EIF2A: variants seen among roughly 807,000 people sequenced by gnomAD.
EIF2A encodes 65 kDa eukaryotic translation initiation factor 2A.
A neutral mutation model predicts 75.2 loss-of-function variants in EIF2A; 62 were observed. The observed-to-expected ratio is 0.82, with a 90% CI of 0.67 to 1.02. The LOEUF (loss-of-function observed/expected upper bound fraction) is 1.02, where lower values mean the gene tolerates loss of function less well. EIF2A is among the 50% of genes least tolerant of loss of function. The pLI is 0.00. For missense variants in EIF2A, 611 were observed against 677.7 expected (o/e 0.90, Z 1.09); for synonymous variants, 207 against 239.0 (o/e 0.87, Z 1.23).
At chr3:150,583,168 C>T in intron 12 of EIF2A, 32 bp from the exon 13 acceptor site, 1 of 1,586,084 alleles carries the variant, frequency 6.3e-7, no homozygotes, top group Non-Finnish European at 8.6e-7. Context: ...GACTTTTCTT[C>T]CATGCTCTTG....
chr3:150,571,451 T>C (rs1252440562), intron 9 of EIF2A, among the ~76,000 whole-genome samples: 1 of 152,124 alleles, frequency 6.6e-6, no homozygotes, highest in Non-Finnish European at 1.5e-5. Flanking sequence ...TATGTGGCAT[T>C]TTTAAAAATA....
chr3:150,567,632 A>C, intron 6 of EIF2A, 61 bp from the exon 7 acceptor site: 1 of 1,126,820 alleles, frequency 8.9e-7, no homozygotes, highest in Non-Finnish European at 1.3e-6. Flanking sequence ...ATGTATTCAG[A>C]GTTTAACATG....
Position 150,581,667 on chromosome 3 carries a change from A to G in EIF2A, c.1547A>G (p.Gln516Arg). ...SPDLAPTPAP[Q>R]STPRNTVSQS... ...GATTTGGCACCTACTCCTGCCCCAC[A>G]GAGCACACCACGAAACACTGTCTCT... The change falls in exon 12 of 14, where the codon CAG (glutamine) becomes CGG (arginine). Residue 516 changes from glutamine (Q) to arginine (R), a missense_variant. By Grantham distance (43) the Gln-to-Arg change is conservative. Coordinates refer to ENST00000460851, the MANE Select transcript of EIF2A (RefSeq NM_032025.5). 6.4e-7 allele frequency: 1 copy of G among 1,552,480 alleles called. No individual in the cohort carries two copies. The highest frequency in any genetic ancestry group is 1.2e-5 in the South Asian group (1 of 84,090).
intron 2 of EIF2A, among the ~76,000 whole-genome samples, chr3:150,557,310 A>C (rs1483904843): frequency 6.6e-6 from 1 of 152,246 alleles, no homozygotes; most frequent in East Asian, 1.9e-4. Context: ...TAATTGTAAA[A>C]TTCTGCCGTA....
intron 1 of EIF2A, among the ~76,000 whole-genome samples, chr3:150,551,854 AAT>A (rs1178392192): frequency 6.6e-5 from 10 of 152,350 alleles, no homozygotes; most frequent in East Asian, 1.9e-4. Flanking sequence ...TTAATAAATG[AAT>A]ATGTCTCATT....
In EIF2A at chr3:150,572,531, TAAGTA is replaced by T; in HGVS notation, c.1383+7_1383+11del. 1.3e-6 allele frequency: 2 copies of T among 1,596,442 alleles called. No individual in the cohort carries two copies. Among genetic ancestry groups the T allele is most frequent in the Non-Finnish European group, 1.7e-6 (2 of 1,172,612 alleles). ...AAACCAATCACCAATTCCAAATTGG[TAAGTA>T]AAGTTTTACTACTTTTATAGAAAAA... On this transcript the variant is annotated splice_donor_5th_base_variant and intron_variant, in intron 10 of 13. Transcript: ENST00000460851.
In EIF2A at chr3:150,584,114, C is replaced by G. The variant is rs994536323; in HGVS notation, c.*203C>G. 11 of 473,562 alleles carry G rather than the reference C, an allele frequency of 2.3e-5. No homozygotes were observed. In the East Asian group the frequency reaches 3.8e-4, roughly 16 times the overall value. The allele number at this position is 473,562 out of a possible 1,614,324, so 29.3% of individuals were successfully genotyped here. ...TTATATCTTGCATCCTATATCATGT[C>G]AATATGTGATATAGAAAAGAGATAC... On this transcript the variant is annotated 3_prime_UTR_variant, in exon 14 of 14. Transcript: ENST00000460851.
chr3:150,551,012 T>C (rs1723286914), intron 1 of EIF2A, among the ~76,000 whole-genome samples: 1 of 152,200 alleles, frequency 6.6e-6, no homozygotes, highest in African/African-American at 2.4e-5. Context: ...AGGCCTTCTT[T>C]CCATCCCCTT....
At chr3:150,577,507 A>AT (rs1238968158) in intron 11 of EIF2A, among the ~76,000 whole-genome samples, 1 of 151,674 alleles carries the variant, frequency 6.6e-6, no homozygotes, top group African/African-American at 2.4e-5. Context: ...TTCCCAACTA[A>AT]TTTTTTTATT....
At chr3:150,581,057 G>A (rs530880121) in intron 11 of EIF2A, among the ~76,000 whole-genome samples, 50 of 152,254 alleles carry the variant, frequency 3.3e-4, no homozygotes, top group African/African-American at 1.2e-3. Flanking sequence ...GCACCTTAGC[G>A]GAAATAAAAG....
At chr3:150,562,712 TG>T (rs201971408) in intron 4 of EIF2A, 52 bp downstream of exon 4, 17 of 1,379,606 alleles carry the variant, frequency 1.2e-5, no homozygotes, top group East Asian at 4.9e-5. Context: ...TTACGTTTAG[TG>T]GGGGGGAAAA....
At chr3:150,553,776 T>A (rs1475149070) in intron 2 of EIF2A, among the ~76,000 whole-genome samples, 1 of 152,194 alleles carries the variant, frequency 6.6e-6, no homozygotes, top group African/African-American at 2.4e-5. Context: ...TAGAGTAAAT[T>A]AATTGTATTA....
intron 12 of EIF2A, among the ~76,000 whole-genome samples, chr3:150,582,867 T>C (rs769863396): frequency 3.9e-5 from 6 of 152,156 alleles, no homozygotes; most frequent in Non-Finnish European, 8.8e-5. Flanking sequence ...TTCAGAATGC[T>C]CTCATTGAGA....
intron 11 of EIF2A, among the ~76,000 whole-genome samples, chr3:150,577,032 A>G (rs748347720): frequency 6.6e-5 from 10 of 152,172 alleles, no homozygotes; most frequent in Non-Finnish European, 1.2e-4. Context: ...GGTAATTCAT[A>G]AACAAATTTA....
At chr3:150,553,318 G>A (rs777064904) in intron 2 of EIF2A, among the ~76,000 whole-genome samples, 2 of 122,990 alleles carry the variant, frequency 1.6e-5, no homozygotes, top group Admixed American at 8.5e-5. Context: ...ATGAGACTCC[G>A]TCTCAAAAAA....
intron 2 of EIF2A, chr3:150,557,683 G>A (rs1238218324): frequency 5.1e-6 from 2 of 389,068 alleles, no homozygotes; most frequent in South Asian, 3.6e-5. Flanking sequence ...ACAGGTGTGA[G>A]CCATTGCACC....
At chr3:150,576,653 G>T (rs1477057195) in intron 11 of EIF2A, among the ~76,000 whole-genome samples, 1 of 152,136 alleles carries the variant, frequency 6.6e-6, no homozygotes, top group Non-Finnish European at 1.5e-5. Context: ...CCTTTTGGTG[G>T]CACTTGTGTG....
intron 1 of EIF2A, among the ~76,000 whole-genome samples, chr3:150,548,823 G>C (rs949300084): frequency 6.6e-6 from 1 of 152,126 alleles, no homozygotes; most frequent in African/African-American, 2.4e-5. Flanking sequence ...CATATTCTTA[G>C]AGGCCCAGAG....
intron 3 of EIF2A, among the ~76,000 whole-genome samples, chr3:150,562,045 G>A (rs1005797447): frequency 2.5e-4 from 38 of 151,922 alleles, no homozygotes; most frequent in Admixed American, 1.4e-3. Context: ...AGGTGTGAGC[G>A]ACTGCACCTG....
Sources: gnomAD v4.1 joint callset for allele counts (sites outside exome capture counted in the v4.1 genomes callset) on GRCh38, gnomAD v4.1.1 for gene constraint, MANE v1.5 for transcripts, NCBI Gene and HGNC (gene_info 2026-07-23, HGNC 2026-07-21) for gene names.